PSMD14: variants seen among roughly 807,000 people sequenced by gnomAD.
PSMD14 encodes proteasome 26S subunit, non-ATPase 14, also known as ubiquitin C-terminal hydrolase PSMD14.
Under a neutral mutation model 41.2 loss-of-function variants are expected in PSMD14, and 7 were observed. That is an observed-to-expected ratio of 0.17 (90% CI 0.10 to 0.32). The LOEUF (loss-of-function observed/expected upper bound fraction) is 0.32, where lower values mean the gene tolerates loss of function less well. Ranked by LOEUF, PSMD14 falls within the 10% of genes least tolerant of loss-of-function variation. The probability of loss-of-function intolerance (pLI) is 1.00; values close to 1 mark genes in which losing one functional copy is unlikely to be tolerated. For synonymous variants in PSMD14, 114 were observed against 122.3 expected (o/e 0.93, Z 0.45); for missense variants, 139 against 375.6 (o/e 0.37, Z 5.21).
chr2:161,318,114 C>G (rs1325667669), intron 2 of PSMD14, among the ~76,000 whole-genome samples: 1 of 152,072 alleles, frequency 6.6e-6, no homozygotes, highest in African/African-American at 2.4e-5. Flanking sequence ...TTGGTTAACT[C>G]TGAAGTTATA....
intron 3 of PSMD14, among the ~76,000 whole-genome samples, chr2:161,349,742 AGAG>A (rs1683093310): frequency 6.6e-6 from 1 of 152,152 alleles, no homozygotes; most frequent in Non-Finnish European, 1.5e-5. Context: ...TGTGCTCCTC[AGAG>A]GAGGGAGGAG....
chr2:161,359,482 A>G (rs1049131564), intron 3 of PSMD14, among the ~76,000 whole-genome samples: 1 of 148,294 alleles, frequency 6.7e-6, no homozygotes, highest in Non-Finnish European at 1.5e-5. Flanking sequence ...ATAAAAAGTT[A>G]TTTTTTTAAG....
chr2:161,364,565 C>G (rs1478442568), intron 3 of PSMD14, among the ~76,000 whole-genome samples: 1 of 152,062 alleles, frequency 6.6e-6, no homozygotes, highest in African/African-American at 2.4e-5. Flanking sequence ...CCTCTCTGAG[C>G]TCAGTTTCGA....
intron 3 of PSMD14, among the ~76,000 whole-genome samples, chr2:161,334,166 A>C (rs1263622638): frequency 6.6e-6 from 1 of 152,116 alleles, no homozygotes; most frequent in Admixed American, 6.5e-5. Flanking sequence ...AAGAAACCCT[A>C]TCTCTACTAA....
chr2:161,386,504 C>T (rs1683638068), intron 8 of PSMD14, among the ~76,000 whole-genome samples: 1 of 151,084 alleles, frequency 6.6e-6, no homozygotes, highest in South Asian at 2.1e-4. Context: ...AGTCACTCAT[C>T]TGTAATCTTC....
At position 161,367,072 on chromosome 2, in the gene PSMD14, A is replaced by C. The variant is rs1683369502; in HGVS notation, c.49-406A>C. On this transcript the variant is annotated intron_variant, in intron 3 of 11. Transcript: ENST00000409682. ...TCCTCCACTGTTGTGATGAATTTGCAGAGGAATCCCATAGCCTTAATCTAT... is the reference window on the plus strand; with the variant it reads ...TCCTCCACTGTTGTGATGAATTTGCCGAGGAATCCCATAGCCTTAATCTAT... 2.0e-5 allele frequency among the ~76,000 whole-genome samples: 3 copies of C among 152,192 alleles called. No homozygotes were observed. The South Asian group carries it at 6.2e-4, about 32-fold the overall frequency.
intron 7 of PSMD14, among the ~76,000 whole-genome samples, chr2:161,376,084 T>C (rs1683498556): frequency 6.7e-6 from 1 of 149,856 alleles, no homozygotes. Flanking sequence ...CTTCTTATTT[T>C]ATATATCTAT....
At chr2:161,329,902 G>A (rs1038230289) in intron 3 of PSMD14, among the ~76,000 whole-genome samples, 8 of 152,142 alleles carry the variant, frequency 5.3e-5, no homozygotes, top group African/African-American at 9.7e-5. Flanking sequence ...GTGAAAAATA[G>A]GGTGTTCCTG....
At chr2:161,370,206 A>T (rs768400366) in intron 6 of PSMD14, 29 bp downstream of exon 6, 21 of 1,410,616 alleles carry the variant, frequency 1.5e-5, no homozygotes, top group Non-Finnish European at 2.0e-5. Context: ...CAGTTAAAGA[A>T]ATAATGGGAA....
Position 161,318,765 on chromosome 2 carries a change from C to A in PSMD14, c.-4-57C>A, listed in dbSNP as rs1219732949. ...GACTGAAGGTGAATTATATAGATAG[C>A]AATTGAATAAACATTTTTGTGCTTA... On this transcript the variant is annotated intron_variant, in intron 2 of 11. Coordinates refer to ENST00000409682, the MANE Select transcript of PSMD14 (RefSeq NM_005805.6). The A allele has an allele frequency of 4.5e-6, 6 of 1,337,574 alleles. No individual in the cohort carries two copies. The African/African-American group carries it at 7.2e-5, about 16-fold the overall frequency. The allele number at this position is 1,337,574 out of a possible 1,614,324, so 82.9% of individuals were successfully genotyped here.
In PSMD14 at chr2:161,349,517, T is replaced by C. The variant is rs577012373; in HGVS notation, c.49-17961T>C. Among the ~76,000 whole-genome samples the C allele has an allele frequency of 1.1e-4, 16 of 152,358 alleles. No individual in the cohort carries two copies. In the South Asian group the frequency reaches 3.3e-3, roughly 32 times the overall value. ...GTAGTCTTTCCTAGTGTGGAGTTCT[T>C]TCAATTATTTCAGTACACTTCTCTA... On this transcript the variant is annotated intron_variant, in intron 3 of 11. Coordinates refer to ENST00000409682, the MANE Select transcript of PSMD14 (RefSeq NM_005805.6).
Position 161,348,425 on chromosome 2 carries a change from G to A in PSMD14, c.49-19053G>A, listed in dbSNP as rs1290406915. Among the ~76,000 whole-genome samples the A allele has an allele frequency of 2.6e-5, 4 of 152,172 alleles. No individual in the cohort carries two copies. In the South Asian group the frequency reaches 6.2e-4, roughly 24 times the overall value. ...TTAAAAAACAGTCAGCTGGTTTGCC[G>A]ATAGGTTGTAGTTTGGAGATCCCTA... On this transcript the variant is annotated intron_variant, in intron 3 of 11. Transcript: ENST00000409682.
intron 3 of PSMD14, among the ~76,000 whole-genome samples, chr2:161,326,512 A>G (rs1221050333): frequency 1.3e-5 from 2 of 152,236 alleles, no homozygotes; most frequent in African/African-American, 4.8e-5. Context: ...TAAATGATTA[A>G]ACATAGGATT....
chr2:161,371,963 CTT>C (rs1683440745), intron 7 of PSMD14, among the ~76,000 whole-genome samples: 2 of 149,394 alleles, frequency 1.3e-5, no homozygotes, highest in Non-Finnish European at 3.0e-5. Context: ...TTCATTCATT[CTT>C]TCTTTTTTTT....
chr2:161,373,524 G>A (rs1248503200), intron 7 of PSMD14, among the ~76,000 whole-genome samples: 1 of 151,802 alleles, frequency 6.6e-6, no homozygotes, highest in Non-Finnish European at 1.5e-5. Flanking sequence ...TCCTTAGTTA[G>A]TGTTTTAGTT....
At chr2:161,336,863 C>T (rs1682879399) in intron 3 of PSMD14, among the ~76,000 whole-genome samples, 1 of 152,206 alleles carries the variant, frequency 6.6e-6, no homozygotes, top group Admixed American at 6.5e-5. Flanking sequence ...GCGTGAGCCA[C>T]CGTGCTCAGC....
At chr2:161,327,153 A>G (rs1374645249) in intron 3 of PSMD14, among the ~76,000 whole-genome samples, 5 of 152,202 alleles carry the variant, frequency 3.3e-5, no homozygotes, top group Non-Finnish European at 7.3e-5. Flanking sequence ...TACATGAGGT[A>G]CCTAGAGTAT....
chr2:161,323,564 G>A (rs1269752727), intron 3 of PSMD14, among the ~76,000 whole-genome samples: 1 of 152,036 alleles, frequency 6.6e-6, no homozygotes, highest in African/African-American at 2.4e-5. Context: ...TCAGGAGGCT[G>A]AAGCAGGAGA....
Position 161,335,696 on chromosome 2 carries a change from C to T in PSMD14, c.48+16823C>T, listed in dbSNP as rs114914863. ...GTTGTAGTAAATATCTCATTGAAGA[C>T]GTTATTTCACATGCATTTTCCCAGA... On this transcript the variant is annotated intron_variant, in intron 3 of 11. Coordinates refer to ENST00000409682, the MANE Select transcript of PSMD14 (RefSeq NM_005805.6). Among the ~76,000 whole-genome samples, 1,183 of 152,260 alleles carry T rather than the reference C, an allele frequency of 7.8e-3. 23 individuals are homozygous for T. The highest frequency in any genetic ancestry group is 0.028 in the African/African-American group (1,149 of 41,540).
Sources: allele counts gnomAD v4.1 joint callset (sites outside exome capture counted in the v4.1 genomes callset), GRCh38; gene constraint gnomAD v4.1.1; transcripts MANE v1.5; gene names NCBI Gene and HGNC (gene_info 2026-07-23, HGNC 2026-07-21).